Variants in CCSER1 observed in about 807,000 individuals in gnomAD.
CCSER1 encodes coiled-coil serine rich protein 1.
CCSER1 carries 41 observed loss-of-function variants against 82.0 expected under a neutral mutation model. The observed-to-expected ratio is 0.50, with a 90% CI of 0.39 to 0.65. The LOEUF (loss-of-function observed/expected upper bound fraction) is 0.65. Among genes scored for constraint, CCSER1 ranks in the 30% least tolerant of loss-of-function variants. The pLI is 0.00. For missense variants in CCSER1, 1,119 were observed against 1,064.2 expected (o/e 1.05, Z -0.72); for synonymous variants, 414 against 383.9 (o/e 1.08, Z -0.92).
intron 4 of CCSER1, among the ~76,000 whole-genome samples, chr4:90,414,268 G>A (rs554357561): frequency 6.6e-6 from 1 of 150,900 alleles, no homozygotes; most frequent in South Asian, 2.1e-4. Context: ...CTAATATAAA[G>A]GCTAAGGTTT....
At chr4:91,068,697 G>A (rs1004332009) in intron 9 of CCSER1, among the ~76,000 whole-genome samples, 12 of 152,208 alleles carry the variant, frequency 7.9e-5, no homozygotes, top group Middle Eastern at 3.4e-3. Context: ...TAATGCACGC[G>A]TAGACTACCA....
intron 10 of CCSER1, among the ~76,000 whole-genome samples, chr4:91,139,848 A>T (rs944569556): frequency 2.0e-5 from 3 of 152,192 alleles, no homozygotes; most frequent in African/African-American, 7.2e-5. Flanking sequence ...TAGATATGCC[A>T]AGTACTTTTT....
chr4:90,549,910 A>G (rs1777243358), intron 5 of CCSER1, among the ~76,000 whole-genome samples: 1 of 152,146 alleles, frequency 6.6e-6, no homozygotes, highest in Non-Finnish European at 1.5e-5. Context: ...ATTATATTGA[A>G]TAAGTCTTGG....
intron 6 of CCSER1, among the ~76,000 whole-genome samples, chr4:90,629,698 G>A (rs917271740): frequency 6.6e-6 from 1 of 152,166 alleles, no homozygotes; most frequent in Non-Finnish European, 1.5e-5. Context: ...CTCTAGGGCA[G>A]CCTTTGTTTC....
chr4:91,382,578 T>G (rs1750988598), intron 10 of CCSER1, among the ~76,000 whole-genome samples: 1 of 152,070 alleles, frequency 6.6e-6, no homozygotes, highest in Non-Finnish European at 1.5e-5. Flanking sequence ...AGGGTGAGAG[T>G]GACCTGATTT....
At chr4:91,390,051 C>T (rs192195924) in intron 10 of CCSER1, among the ~76,000 whole-genome samples, 77 of 152,046 alleles carry the variant, frequency 5.1e-4, no homozygotes, top group Non-Finnish European at 8.1e-4. Context: ...TCCTAACCTA[C>T]GTATGTTTTA....
intron 7 of CCSER1, among the ~76,000 whole-genome samples, chr4:90,752,273 G>T (rs146823758): frequency 1.7e-3 from 257 of 152,202 alleles, no homozygotes; most frequent in African/African-American, 6.0e-3. Context: ...ACTCATGCCT[G>T]TAAGTACTAT....
At position 91,079,119 on chromosome 4, in the gene CCSER1, A is replaced by G. The variant is rs565138498; in HGVS notation, c.2173-6831A>G. On this transcript the variant is annotated intron_variant, in intron 9 of 10. Coordinates refer to ENST00000509176, the MANE Select transcript of CCSER1 (RefSeq NM_001145065.2). ...CTCGAGAAGAGCAAATCCAAGACAC[A>G]TAATTTTCAGATTCACCAAAGTTGA... Among the ~76,000 whole-genome samples the G allele has an allele frequency of 1.8e-4, 27 of 152,328 alleles. No individual in the cohort carries two copies. The South Asian group carries it at 2.3e-3, about 13-fold the overall frequency.
At chr4:90,560,279 C>T (rs529129520) in intron 5 of CCSER1, among the ~76,000 whole-genome samples, 1 of 151,856 alleles carries the variant, frequency 6.6e-6, no homozygotes, top group Non-Finnish European at 1.5e-5. Flanking sequence ...TCTCTAAGCC[C>T]AAAGCTCTAA....
intron 8 of CCSER1, among the ~76,000 whole-genome samples, chr4:90,923,045 C>T (rs1728607382): frequency 6.6e-6 from 1 of 151,990 alleles, no homozygotes; most frequent in African/African-American, 2.4e-5. Flanking sequence ...AAAATAATAG[C>T]AACTAAGTTA....
At chr4:90,277,778 T>G (rs554698238) in intron 1 of CCSER1, among the ~76,000 whole-genome samples, 21 of 152,060 alleles carry the variant, frequency 1.4e-4, no homozygotes, top group African/African-American at 3.6e-4. Flanking sequence ...TTGGCAATAA[T>G]TTATGACTAA....
At chr4:91,506,508 G>A (rs1578647068) in intron 10 of CCSER1, among the ~76,000 whole-genome samples, 1 of 151,980 alleles carries the variant, frequency 6.6e-6, no homozygotes, top group African/African-American at 2.4e-5. Context: ...CAGTTTGAAG[G>A]AAATAGCATT....
At chr4:91,524,605 G>A (rs1760676299) in intron 10 of CCSER1, among the ~76,000 whole-genome samples, 1 of 152,108 alleles carries the variant, frequency 6.6e-6, no homozygotes, top group African/African-American at 2.4e-5. Flanking sequence ...CGTGCCTACT[G>A]GAGGAAGATA....
chr4:90,242,445 A>T (rs918563681), intron 1 of CCSER1, among the ~76,000 whole-genome samples: 1 of 152,234 alleles, frequency 6.6e-6, no homozygotes, highest in Non-Finnish European at 1.5e-5. Flanking sequence ...GTACGAAGAA[A>T]TGTACAAAAT....
At chr4:90,319,749 T>G (rs529741013) in intron 3 of CCSER1, among the ~76,000 whole-genome samples, 75 of 152,296 alleles carry the variant, frequency 4.9e-4, no homozygotes, top group Non-Finnish European at 8.1e-4. Flanking sequence ...TGTTAATGGC[T>G]TTGGGGAGTT....
chr4:91,577,064 A>T (rs1763484311), intron 10 of CCSER1, among the ~76,000 whole-genome samples: 1 of 152,056 alleles, frequency 6.6e-6, no homozygotes, highest in Non-Finnish European at 1.5e-5. Context: ...TCCAAATAAC[A>T]TTGGTGCATA....
intron 10 of CCSER1, among the ~76,000 whole-genome samples, chr4:91,267,655 A>G (rs1008773482): frequency 6.6e-6 from 1 of 152,186 alleles, no homozygotes; most frequent in African/African-American, 2.4e-5. Context: ...CTTCTTTTAG[A>G]TAAGTGTCTT....
intron 7 of CCSER1, among the ~76,000 whole-genome samples, chr4:90,798,103 G>C (rs1026107572): frequency 2.6e-5 from 4 of 152,094 alleles, no homozygotes; most frequent in African/African-American, 9.7e-5. Context: ...ATATTTTTCA[G>C]GTACACCAAA....
intron 10 of CCSER1, among the ~76,000 whole-genome samples, chr4:91,102,910 A>G (rs758553693): frequency 2.6e-5 from 4 of 152,240 alleles, no homozygotes; most frequent in African/African-American, 4.8e-5. Flanking sequence ...CCACCTCAAA[A>G]ATATAGAGAA....
Sources: allele counts gnomAD v4.1 joint callset (sites outside exome capture counted in the v4.1 genomes callset), GRCh38; gene constraint gnomAD v4.1.1; transcripts MANE v1.5; gene names NCBI Gene and HGNC (gene_info 2026-07-23, HGNC 2026-07-21).